The following THSD4 variants were observed in gnomAD, a reference collection of about 807,000 sequenced individuals.
THSD4 encodes the protein thrombospondin type-1 domain-containing protein 4.
THSD4 carries 69 observed loss-of-function variants against 119.0 expected under a neutral mutation model. The observed-to-expected ratio is 0.58, with a 90% CI of 0.48 to 0.71. The LOEUF (loss-of-function observed/expected upper bound fraction) is 0.71. Among genes scored for constraint, THSD4 ranks in the 30% least tolerant of loss-of-function variants. The pLI, the probability that THSD4 is intolerant of heterozygous loss-of-function variation, is 0.00. For synonymous variants in THSD4, 524 were observed against 540.4 expected (o/e 0.97, Z 0.42); for missense variants, 1,393 against 1,391.1 (o/e 1.00, Z -0.02).
At chr15:71,502,937 G>A (rs963924806) in intron 7 of THSD4, among the ~76,000 whole-genome samples, 2 of 152,196 alleles carry the variant, frequency 1.3e-5, no homozygotes, top group African/African-American at 4.8e-5. Context: ...CTTACTCGGG[G>A]AATTTGCAGC....
chr15:71,614,506 C>T (rs967669735), intron 7 of THSD4, among the ~76,000 whole-genome samples: 1 of 152,214 alleles, frequency 6.6e-6, no homozygotes, highest in Non-Finnish European at 1.5e-5. Flanking sequence ...CCCCGATGAC[C>T]TAACGGATGT....
rs146350376 is a variant in THSD4, at chr15:71,451,706, T to C, written c.1152+39883T>C. Among the ~76,000 whole-genome samples, 496 of 152,296 alleles carry C rather than the reference T, an allele frequency of 3.3e-3. 2 individuals carry two copies. The highest frequency in any genetic ancestry group is 5.6e-3 in the Non-Finnish European group (383 of 68,014). On this transcript the variant is annotated intron_variant, in intron 7 of 17. Coordinates refer to ENST00000261862, the MANE Select transcript of THSD4 (RefSeq NM_024817.3). ...TGTCACTTCTGGACTAGGCCTGTTT[T>C]GGAAAACTGCCCTCTCTCCCAGAGT...
chr15:71,097,562 T>G (rs2040235873), intron 1 of THSD4, among the ~76,000 whole-genome samples: 4 of 139,436 alleles, frequency 2.9e-5, no homozygotes, highest in Non-Finnish European at 1.5e-5. Flanking sequence ...CAAGACTCTG[T>G]CTCGAAAAAA....
intron 6 of THSD4, among the ~76,000 whole-genome samples, chr15:71,338,647 T>C (rs1362882190): frequency 6.6e-6 from 1 of 152,088 alleles, no homozygotes; most frequent in Non-Finnish European, 1.5e-5. Context: ...CTTTTGTTTT[T>C]GAGTTAGTTC....
Position 71,218,243 on chromosome 15 carries a change from A to G in THSD4, c.464+2844A>G, listed in dbSNP as rs531320036. On this transcript the variant is annotated intron_variant, in intron 4 of 17. Transcript: ENST00000261862. ...TTACACCTGAGGAATCAGAGGACCT[A>G]GAGCCAGTGGACAAGCTGAGTTTTG... Among the ~76,000 whole-genome samples the G allele has an allele frequency of 1.3e-3, 192 of 152,342 alleles. 1 individual carries two copies. The highest frequency in any genetic ancestry group is 4.5e-3 in the African/African-American group (187 of 41,588).
chr15:71,374,947 T>G (rs1195086250), intron 6 of THSD4, among the ~76,000 whole-genome samples: 1 of 152,046 alleles, frequency 6.6e-6, no homozygotes, highest in Non-Finnish European at 1.5e-5. Context: ...TGTAGGGGCT[T>G]AATGTGGAAT....
chr15:71,284,378 C>CTGTTCTCA (rs1318198166), intron 6 of THSD4, among the ~76,000 whole-genome samples: 1 of 152,172 alleles, frequency 6.6e-6, no homozygotes, highest in East Asian at 1.9e-4. Context: ...AACAGAAATT[C>CTGTTCTCA]ATACACATAA....
At chr15:71,629,231 G>A (rs867795572) in intron 7 of THSD4, among the ~76,000 whole-genome samples, 1 of 152,128 alleles carries the variant, frequency 6.6e-6, no homozygotes, top group East Asian at 1.9e-4. Context: ...GTAGAGACCC[G>A]CACTGTCTGC....
intron 4 of THSD4, among the ~76,000 whole-genome samples, chr15:71,237,094 A>G (rs1345817555): frequency 6.6e-6 from 1 of 152,134 alleles, no homozygotes; most frequent in African/African-American, 2.4e-5. Flanking sequence ...CAGGGCTGAC[A>G]AGAGATGCAG....
intron 7 of THSD4, among the ~76,000 whole-genome samples, chr15:71,642,948 A>G (rs946011757): frequency 3.5e-4 from 54 of 152,208 alleles, no homozygotes; most frequent in African/African-American, 1.3e-3. Flanking sequence ...CTTAAAGTAT[A>G]ATAATAATAA....
In THSD4 at chr15:71,672,277, G is replaced by A. The variant is rs925695584; in HGVS notation, c.1357+11543G>A. Among the ~76,000 whole-genome samples the A allele has an allele frequency of 1.7e-3, 252 of 152,156 alleles. 1 individual carries two copies. Among genetic ancestry groups the A allele is most frequent in the African/African-American group, 5.9e-3 (246 of 41,518 alleles). On this transcript the variant is annotated intron_variant, in intron 8 of 17. Coordinates refer to ENST00000261862, the MANE Select transcript of THSD4 (RefSeq NM_024817.3). ...TGAATGGGAGTTCACTCATGATTTG[G>A]CTCTCTGTTTGTCTGTTGCTGGTGT...
intron 3 of THSD4, among the ~76,000 whole-genome samples, chr15:71,193,675 G>A (rs1020290994): frequency 2.0e-5 from 3 of 151,906 alleles, no homozygotes; most frequent in Admixed American, 1.3e-4. Context: ...CTGTTCTCAC[G>A]GTAGTGAATA....
At chr15:71,732,222 G>A (rs149831929) in intron 10 of THSD4, 1 of 152,350 alleles carries the variant, frequency 6.6e-6, no homozygotes, top group East Asian at 1.9e-4. Flanking sequence ...ATTAGGATGT[G>A]GACATCTTTA....
At chr15:71,605,959 A>G (rs1452060552) in intron 7 of THSD4, among the ~76,000 whole-genome samples, 1 of 152,210 alleles carries the variant, frequency 6.6e-6, no homozygotes, top group East Asian at 1.9e-4. Flanking sequence ...CAACGGAGTG[A>G]GCTGTGCCTG....
At chr15:71,274,597 T>G (rs2044569562) in intron 6 of THSD4, among the ~76,000 whole-genome samples, 1 of 152,130 alleles carries the variant, frequency 6.6e-6, no homozygotes, top group South Asian at 2.1e-4. Context: ...GGAGTATATG[T>G]GTGAAATGTC....
rs190417703 is a variant in THSD4 at position 71,689,335 on chromosome 15, G to A, written c.1357+28601G>A. Among the ~76,000 whole-genome samples the A allele has an allele frequency of 4.8e-4, 73 of 152,244 alleles. 1 individual carries two copies. In the East Asian group the frequency reaches 0.013, roughly 28 times the overall value. On this transcript the variant is annotated intron_variant, in intron 8 of 17. Transcript: ENST00000261862. ...GGCAGGGGAGAGAGTCCCAGACATG[G>A]AGCCTCAAGTCAGGCTCTGAATTCT...
intron 7 of THSD4, among the ~76,000 whole-genome samples, chr15:71,442,604 G>A (rs1249533169): frequency 0.4 from 7,287 of 17,994 alleles, 1,557 homozygotes; most frequent in Non-Finnish European, 0.59. Flanking sequence ...ATATATATGT[G>A]TGTGTGTGTG....
At chr15:71,163,086 C>T (rs1028394082) in intron 3 of THSD4, among the ~76,000 whole-genome samples, 3 of 151,808 alleles carry the variant, frequency 2.0e-5, no homozygotes, top group Non-Finnish European at 1.5e-5. Context: ...TACTGAATTT[C>T]CTTAAAATCA....
At chr15:71,460,665 C>G (rs546070595) in intron 7 of THSD4, among the ~76,000 whole-genome samples, 1 of 152,264 alleles carries the variant, frequency 6.6e-6, no homozygotes, top group East Asian at 1.9e-4. Context: ...GTAGCTGTCT[C>G]TTCAGTGAAA....
Sources: allele counts gnomAD v4.1 joint callset (sites outside exome capture counted in the v4.1 genomes callset), GRCh38; gene constraint gnomAD v4.1.1; transcripts MANE v1.5; gene names NCBI Gene and HGNC (gene_info 2026-07-23, HGNC 2026-07-21).